LRP2: variants seen among roughly 807,000 people sequenced by gnomAD.
LRP2 encodes low-density lipoprotein receptor-related protein 2.
Under a neutral mutation model 531.0 loss-of-function variants are expected in LRP2, and 172 were observed. The ratio of observed to expected loss-of-function variants is 0.32; its 90% CI spans 0.29 to 0.37. The LOEUF is 0.37. LRP2 is among the 10% of genes least tolerant of loss of function. The pLI is 1.00. For synonymous variants in LRP2, 1,992 were observed against 2,027.6 expected (o/e 0.98, Z 0.47); for missense variants, 5,167 against 5,868.3 (o/e 0.88, Z 3.90).
intron 68 of LRP2, among the ~76,000 whole-genome samples, chr2:169,150,179 G>A (rs1187618863): frequency 2.0e-5 from 3 of 152,198 alleles, no homozygotes; most frequent in African/African-American, 4.8e-5. Flanking sequence ...AGCTCATAGG[G>A]TTCTACCTAC....
intron 1 of LRP2, among the ~76,000 whole-genome samples, chr2:169,350,894 T>C (rs576972829): frequency 1.2e-4 from 18 of 152,220 alleles, no homozygotes; most frequent in Admixed American, 9.8e-4. Flanking sequence ...CATGTGATGT[T>C]CTTTCCACCA....
chr2:169,312,233 G>T (rs1344555071), intron 3 of LRP2, among the ~76,000 whole-genome samples: 1 of 151,994 alleles, frequency 6.6e-6, no homozygotes, highest in Non-Finnish European at 1.5e-5. Flanking sequence ...GTGTGAATTT[G>T]ATCCTGTCAT....
At chr2:169,331,057 A>T (rs1380196089) in intron 1 of LRP2, among the ~76,000 whole-genome samples, 2 of 152,154 alleles carry the variant, frequency 1.3e-5, no homozygotes, top group African/African-American at 2.4e-5. Context: ...TCACCCTGGA[A>T]TGCTCCATTC....
intron 17 of LRP2, 48 bp from the exon 18 acceptor site, chr2:169,257,297 A>C: frequency 6.3e-7 from 1 of 1,594,776 alleles, no homozygotes; most frequent in Non-Finnish European, 8.6e-7. Flanking sequence ...GGGACAAACT[A>C]CATGACTTCC....
In LRP2 at chr2:169,185,564, C is replaced by A. The variant is rs1411041043; in HGVS notation, c.9784G>T (p.Glu3262Ter). The change falls in exon 50 of 79, where the codon GAG (glutamate) becomes TAG (stop). Residue 3262 changes from glutamate (E) to a stop codon, truncating the protein, a stop_gained. Transcript: ENST00000649046. LOFTEE classifies it high-confidence loss of function. ...GGTAGTCTGTGGTTTATGATTGTCT[C>A]CTTGTTTGTCTTATTCAGAAACATT... Reference protein sequence around the residue: ...ERMFLNKTNKETIINHRLPAA... With the variant: ...ERMFLNKTNK 6.2e-7 allele frequency: 1 copy of A among 1,613,986 alleles called. No homozygotes were observed. Among genetic ancestry groups the A allele is most frequent in the Admixed American group, 1.7e-5 (1 of 60,012 alleles).
intron 77 of LRP2, among the ~76,000 whole-genome samples, 162 bp from the exon 78 acceptor site, chr2:169,129,246 C>T (rs1214512149): frequency 1.3e-5 from 2 of 152,184 alleles, no homozygotes; most frequent in Non-Finnish European, 2.9e-5. Context: ...TTCAATTCCT[C>T]CTATGGTCCC....
Position 169,185,520 on chromosome 2 carries a change from A to G in LRP2, c.9828T>C (p.Ala3276=). Residue 3276 remains alanine (A), a synonymous_variant, in exon 50 of 79, where the codon GCT becomes GCC. Coordinates refer to ENST00000649046, the MANE Select transcript of LRP2 (RefSeq NM_004525.3). ...NHRLPAAESL[A]VDWVSRKLYW... ...TTTCTTACCTGGAAACCCAGTCTAC[A>G]GCCAGACTTTCTGCAGCTGGTAGTC... 6.2e-7 allele frequency: 1 copy of G among 1,613,612 alleles called. No individual in the cohort carries two copies. Among genetic ancestry groups the G allele is most frequent in the Admixed American group, 1.7e-5 (1 of 60,012 alleles).
intron 9 of LRP2, among the ~76,000 whole-genome samples, chr2:169,286,988 G>A (rs1683876684): frequency 6.6e-6 from 1 of 152,184 alleles, no homozygotes. Context: ...GGGGGGAAAA[G>A]GAGCCTGACA....
At chr2:169,280,062 A>G (rs1398924040) in intron 11 of LRP2, among the ~76,000 whole-genome samples, 10 of 152,252 alleles carry the variant, frequency 6.6e-5, no homozygotes, top group Non-Finnish European at 1.2e-4. Context: ...ACTACCAAAT[A>G]TCTATCCAGT....
At chr2:169,256,566 C>T (rs1574185643) in intron 18 of LRP2, among the ~76,000 whole-genome samples, 2 of 152,074 alleles carry the variant, frequency 1.3e-5, no homozygotes, top group East Asian at 1.9e-4. Flanking sequence ...TATTTCTTCC[C>T]TTTTTTTCTC....
At chr2:169,257,063 C>G (rs1690332114) in intron 18 of LRP2, 61 bp downstream of exon 18, 13 of 1,601,770 alleles carry the variant, frequency 8.1e-6, no homozygotes, top group Non-Finnish European at 1.0e-5. Context: ...ACCCAACCTG[C>G]CTCATTATGT....
intron 77 of LRP2, among the ~76,000 whole-genome samples, chr2:169,131,807 C>T (rs540881342): frequency 2.0e-5 from 3 of 152,270 alleles, no homozygotes; most frequent in South Asian, 4.1e-4. Flanking sequence ...GACTCTAGCC[C>T]CAGAAGTAAA....
chr2:169,206,600 T>C lies in LRP2; in HGVS notation c.7120A>G (p.Thr2374Ala). ...HTPKCDCAFGTLQSDGKNCAI... is the reference protein window; with the variant it reads ...HTPKCDCAFGALQSDGKNCAI... The stretch of plus-strand genomic sequence containing the variant: ...CAATTCTTGCCATCACTTTGCAGGG[T>C]CCCAAAGGCACAGTCACATTTTGGG... Residue 2374 changes from threonine (T) to alanine (A), a missense_variant, in exon 39 of 79, where the codon ACC becomes GCC. Coordinates refer to ENST00000649046, the MANE Select transcript of LRP2 (RefSeq NM_004525.3). The C allele has an allele frequency of 6.2e-7, 1 of 1,614,094 alleles. No individual in the cohort carries two copies. Among genetic ancestry groups the C allele is most frequent in the Non-Finnish European group, 8.5e-7 (1 of 1,180,018 alleles).
chr2:169,283,114 T>C, intron 9 of LRP2, 113 bp from the exon 10 acceptor site: 1 of 1,045,010 alleles, frequency 9.6e-7, no homozygotes. Context: ...CATGTCTAAA[T>C]AAACACCCTC....
intron 1 of LRP2, among the ~76,000 whole-genome samples, chr2:169,352,619 T>C (rs1046874226): frequency 6.6e-6 from 1 of 152,172 alleles, no homozygotes; most frequent in Non-Finnish European, 1.5e-5. Flanking sequence ...CTATCACTGA[T>C]GGGCATTTGG....
At chr2:169,327,846 C>T (rs1685138437) in intron 1 of LRP2, among the ~76,000 whole-genome samples, 1 of 70,298 alleles carries the variant, frequency 1.4e-5, no homozygotes, top group African/African-American at 6.5e-5. Flanking sequence ...GTGAGGAGCC[C>T]CTCTGCCCAG....
At chr2:169,174,613 A>G (rs538150693) in intron 55 of LRP2, among the ~76,000 whole-genome samples, 43 of 152,120 alleles carry the variant, frequency 2.8e-4, no homozygotes, top group Non-Finnish European at 5.6e-4. Context: ...GGATCAAGCT[A>G]TTTTTCTACT....
rs1684087614 is a variant in LRP2 at position 169,294,591 on chromosome 2, A to T, written c.538+9T>A. On this transcript the variant is annotated intron_variant, in intron 5 of 78. Coordinates refer to ENST00000649046, the MANE Select transcript of LRP2 (RefSeq NM_004525.3). ...GCACACAACTGCACATCTTGTGCAC[A>T]ATACTTACTGCAGTTGATTTCATCT... 2.5e-6 allele frequency: 4 copies of T among 1,588,948 alleles called. No individual in the cohort carries two copies. Among genetic ancestry groups the T allele is most frequent in the Non-Finnish European group, 3.5e-6 (4 of 1,157,260 alleles).
In LRP2 at chr2:169,238,301, T is replaced by C. The variant is rs1689679703; in HGVS notation, c.4296A>G (p.Ala1432=). ...ESDGRTCKVT[A]SESLLLLVAS... Reference sequence around the variant, plus strand: ...CCACAAGTAACAGCAGACTCTCAGATGCTGTTCAAGAAAAAAATGCAAAAA... The same window carrying C: ...CCACAAGTAACAGCAGACTCTCAGACGCTGTTCAAGAAAAAAATGCAAAAA... Residue 1432 remains alanine (A), a splice_region_variant and synonymous_variant, in exon 27 of 79, where the codon GCA becomes GCG. Coordinates refer to ENST00000649046, the MANE Select transcript of LRP2 (RefSeq NM_004525.3). The C allele has an allele frequency of 3.1e-6, 5 of 1,613,128 alleles. No individual in the cohort carries two copies. The highest frequency in any genetic ancestry group is 1.1e-5 in the South Asian group (1 of 91,042).
Sources: allele counts gnomAD v4.1 joint callset (sites outside exome capture counted in the v4.1 genomes callset), GRCh38; gene constraint gnomAD v4.1.1; transcripts MANE v1.5; gene names NCBI Gene and HGNC (gene_info 2026-07-23, HGNC 2026-07-21).